RHNO1: variants seen among roughly 807,000 people sequenced by gnomAD.
RHNO1 encodes RAD9-HUS1-RAD1 interacting nuclear orphan 1.
RHNO1 carries 9 observed loss-of-function variants against 7.2 expected under a neutral mutation model. The ratio of observed to expected loss-of-function variants is 1.25; its 90% CI spans 0.75 to 2.18. The LOEUF is 2.18. Among genes scored for constraint, RHNO1 ranks in the 30% most tolerant of loss-of-function variants. The probability of loss-of-function intolerance (pLI) is 0.00; values close to 1 mark genes in which losing one functional copy is unlikely to be tolerated. For missense variants in RHNO1, 292 were observed against 284.5 expected, an observed-to-expected ratio of 1.03 and a Z score of -0.19; for synonymous variants, 95 against 107.5, an observed-to-expected ratio of 0.88 and a Z score of 0.72.
At chr12:2,885,864 C>T (rs1021988754) in intron 2 of RHNO1, 2 of 165,474 alleles carry the variant, frequency 1.2e-5, no homozygotes, top group Non-Finnish European at 2.6e-5. Context: ...CGTGAACCAC[C>T]GCGCCCGGCC....
chr12:2,887,478 CAAAAAAAAAA>C (rs11310263), intron 2 of RHNO1, among the ~76,000 whole-genome samples: 6 of 89,096 alleles, frequency 6.7e-5, no homozygotes, highest in Non-Finnish European at 1.4e-4. Context: ...ACTCTGTCTC[CAAAAAAAAAA>C]AAAAAAAAAA....
At chr12:2,887,696 G>A (rs1044557215) in intron 2 of RHNO1, among the ~76,000 whole-genome samples, 12 of 152,050 alleles carry the variant, frequency 7.9e-5, no homozygotes, top group African/African-American at 2.9e-4. Context: ...AAGTGAAAGA[G>A]ACATCGTCCC....
At chr12:2,887,851 A>G in intron 2 of RHNO1, 60 bp from the exon 3 acceptor site, 1 of 1,358,450 alleles carries the variant, frequency 7.4e-7, no homozygotes, top group Non-Finnish European at 1.0e-6. Flanking sequence ...CATCAGATAC[A>G]GTTTCCTCTC....
chr12:2,877,639 GAAAA>G (rs1276688837), intron 1 of RHNO1, among the ~76,000 whole-genome samples: 1 of 151,944 alleles, frequency 6.6e-6, no homozygotes, highest in African/African-American at 2.4e-5. Context: ...CTTCCATCTT[GAAAA>G]AAAATGTCGG....
At chr12:2,883,507 ATATATTTTTT>A (rs1355461206) in intron 1 of RHNO1, among the ~76,000 whole-genome samples, 70 of 26,176 alleles carry the variant, frequency 2.7e-3, no homozygotes, top group South Asian at 0.013. Flanking sequence ...ATATATATAT[ATATATTTTTT>A]TTTTTTTTTT....
chr12:2,885,834 C>G, intron 2 of RHNO1: 1 of 201,584 alleles, frequency 5.0e-6, no homozygotes, highest in East Asian at 1.3e-4. Flanking sequence ...CTCGGCCTCC[C>G]AAAATGCTGG....
intron 1 of RHNO1, chr12:2,877,976 T>G (rs2098150370): frequency 6.6e-6 from 1 of 152,164 alleles, no homozygotes; most frequent in Non-Finnish European, 1.5e-5. Context: ...AGGTCACGAG[T>G]TCGAGACCAG....
At chr12:2,886,972 T>C (rs759988322) in intron 2 of RHNO1, 13 of 455,988 alleles carry the variant, frequency 2.9e-5, no homozygotes, top group African/African-American at 2.6e-4. Flanking sequence ...GCCTTCTTTG[T>C]TCCAGGCATT....
chr12:2,883,938 A>G (rs2093985567), intron 1 of RHNO1, among the ~76,000 whole-genome samples: 1 of 152,114 alleles, frequency 6.6e-6, no homozygotes, highest in Non-Finnish European at 1.5e-5. Context: ...CCATTACATT[A>G]TTCAGTCTAC....
chr12:2,876,999 C>T (rs1427050356), upstream of RHNO1: 1 of 152,080 alleles, frequency 6.6e-6, no homozygotes, highest in Non-Finnish European at 1.5e-5. Context: ...GGGGCCGAGC[C>T]AGGGCCCCGG....
chr12:2,877,671 C>G (rs1029315554), intron 1 of RHNO1, among the ~76,000 whole-genome samples: 1 of 152,192 alleles, frequency 6.6e-6, no homozygotes, highest in Non-Finnish European at 1.5e-5. Context: ...AACCCTACCT[C>G]AGCGCGAAAC....
At chr12:2,887,500 A>AG (rs2098167015) in intron 2 of RHNO1, among the ~76,000 whole-genome samples, 1 of 139,076 alleles carries the variant, frequency 7.2e-6, no homozygotes, top group African/African-American at 2.7e-5. Context: ...AAAAAAAAAA[A>AG]TACCTGGGCG....
At chr12:2,878,249 G>A (rs570310357) in intron 1 of RHNO1, 1 of 152,226 alleles carries the variant, frequency 6.6e-6, no homozygotes, top group East Asian at 1.9e-4. Context: ...TTACAATAAC[G>A]AGATCTTGAG....
At chr12:2,881,778 G>A (rs1482766812) in intron 1 of RHNO1, among the ~76,000 whole-genome samples, 3 of 151,556 alleles carry the variant, frequency 2.0e-5, no homozygotes, top group Non-Finnish European at 2.9e-5. Flanking sequence ...GGTGGCGTGC[G>A]CCTGTAGTCC....
At chr12:2,885,705 G>A (rs1476651829) in intron 2 of RHNO1, 171 bp downstream of exon 2, 1 of 552,926 alleles carries the variant, frequency 1.8e-6, no homozygotes, top group African/African-American at 2.0e-5. Flanking sequence ...CTCCCGAGGA[G>A]CTGGAACTAC....
At chr12:2,884,084 C>T (rs377584972) in intron 1 of RHNO1, among the ~76,000 whole-genome samples, 1 of 151,708 alleles carries the variant, frequency 6.6e-6, no homozygotes, top group Non-Finnish European at 1.5e-5. Flanking sequence ...GTTTTGGAGA[C>T]GAGTCTCGCT....
intron 1 of RHNO1, chr12:2,878,251 G>A (rs1420322180): frequency 6.6e-6 from 1 of 152,238 alleles, no homozygotes; most frequent in East Asian, 1.9e-4. Context: ...ACAATAACGA[G>A]ATCTTGAGAG....
chr12:2,881,673 G>C (rs1010424524), intron 1 of RHNO1, among the ~76,000 whole-genome samples: 1 of 151,908 alleles, frequency 6.6e-6, no homozygotes, highest in Non-Finnish European at 1.5e-5. Flanking sequence ...TTGGGAGGCC[G>C]AGGCGGGTGG....
At chr12:2,884,294 C>T (rs939954314) in intron 1 of RHNO1, among the ~76,000 whole-genome samples, 6 of 152,126 alleles carry the variant, frequency 3.9e-5, no homozygotes, top group Non-Finnish European at 5.9e-5. Context: ...AGTGCAGTTG[C>T]GCAATCTCAG....
Sources: allele counts gnomAD v4.1 joint callset (sites outside exome capture counted in the v4.1 genomes callset), GRCh38; gene constraint gnomAD v4.1.1; transcripts MANE v1.5; gene names NCBI Gene and HGNC (gene_info 2026-07-23, HGNC 2026-07-21).